Variants in EPHA4 observed in about 807,000 individuals in gnomAD.
The protein encoded by EPHA4 is EPH receptor A4, also known as ephrin type-A receptor 4.
A neutral mutation model predicts 108.3 loss-of-function variants in EPHA4; 19 were observed. The observed-to-expected ratio is 0.18, with a 90% CI of 0.12 to 0.26. The LOEUF is 0.26. Ranked by LOEUF, EPHA4 falls within the 10% of genes least tolerant of loss-of-function variation. The pLI is 1.00. For missense variants in EPHA4, 917 were observed against 1,254.0 expected (o/e 0.73, Z 4.06); for synonymous variants, 449 against 455.5 (o/e 0.99, Z 0.18).
At chr2:221,497,353 C>T (rs997466425) in intron 4 of EPHA4, among the ~76,000 whole-genome samples, 4 of 152,122 alleles carry the variant, frequency 2.6e-5, no homozygotes, top group African/African-American at 9.7e-5. Context: ...CAAGGCGATC[C>T]GATCAGCAAG....
intron 8 of EPHA4, among the ~76,000 whole-genome samples, chr2:221,451,772 A>T (rs7597370): frequency 0.68 from 102,724 of 152,022 alleles, 35,060 homozygotes; most frequent in Non-Finnish European, 0.74. Context: ...AATATACAAT[A>T]TAGCTAAATC....
chr2:221,506,181 C>T (rs143050569), intron 3 of EPHA4, among the ~76,000 whole-genome samples: 3 of 152,248 alleles, frequency 2.0e-5, no homozygotes, highest in African/African-American at 7.2e-5. Context: ...GCCTTTTGTG[C>T]ACTGGATACA....
At chr2:221,472,406 C>A (rs984809631) in intron 5 of EPHA4, among the ~76,000 whole-genome samples, 5 of 152,004 alleles carry the variant, frequency 3.3e-5, no homozygotes, top group Non-Finnish European at 7.4e-5. Context: ...TGTAAGCTAC[C>A]CCCTTTTCAG....
chr2:221,530,423 A>T (rs1350576204), intron 3 of EPHA4, among the ~76,000 whole-genome samples: 1 of 152,214 alleles, frequency 6.6e-6, no homozygotes, highest in African/African-American at 2.4e-5. Context: ...ATTCTCTAAC[A>T]TGAAACATTT....
intron 3 of EPHA4, 84 bp downstream of exon 3, chr2:221,563,647 T>C: frequency 6.7e-7 from 1 of 1,490,312 alleles, no homozygotes; most frequent in Non-Finnish European, 9.1e-7. Flanking sequence ...TACTAATTAC[T>C]GGCTTTACTC....
chr2:221,466,236 T>C (rs77496318), intron 5 of EPHA4, among the ~76,000 whole-genome samples: 4 of 152,192 alleles, frequency 2.6e-5, no homozygotes, highest in Non-Finnish European at 5.9e-5. Context: ...GAAAACACAT[T>C]GGGGTTCTCA....
intron 5 of EPHA4, 95 bp from the exon 6 acceptor site, chr2:221,458,085 G>C: frequency 6.8e-7 from 1 of 1,477,862 alleles, no homozygotes; most frequent in Non-Finnish European, 9.1e-7. Flanking sequence ...TTTAAGAAAA[G>C]TGTGAAAGAT....
Position 221,437,132 on chromosome 2 carries a change from TCAGA to T in EPHA4, c.2075-14_2075-11del. On this transcript the variant is annotated splice_polypyrimidine_tract_variant and intron_variant, in intron 11 of 17. Transcript: ENST00000281821. ...ATCATTACTGGTTTACCTAGAGTTT[TCAGA>T]AAGAAAAACACAAACCTTTGATGAG... 1 of 1,608,942 alleles carries T rather than the reference TCAGA, an allele frequency of 6.2e-7. No individual in the cohort carries two copies. Among genetic ancestry groups the T allele is most frequent in the Non-Finnish European group, 8.5e-7 (1 of 1,176,500 alleles).
chr2:221,479,115 A>C (rs1295539857), intron 5 of EPHA4, among the ~76,000 whole-genome samples: 4 of 152,238 alleles, frequency 2.6e-5, no homozygotes, highest in African/African-American at 9.6e-5. Context: ...CCATGCCCAG[A>C]TACTCACATA....
At chr2:221,432,003 C>T (rs1690090677) in intron 14 of EPHA4, among the ~76,000 whole-genome samples, 1 of 151,896 alleles carries the variant, frequency 6.6e-6, no homozygotes, top group African/African-American at 2.4e-5. Context: ...ACATAGAATC[C>T]AACACAGAGA....
chr2:221,440,109 G>T (rs1386558250), intron 11 of EPHA4, among the ~76,000 whole-genome samples: 1 of 152,216 alleles, frequency 6.6e-6, no homozygotes, highest in African/African-American at 2.4e-5. Flanking sequence ...CTGGGCTCTT[G>T]GATAGAGGAG....
intron 3 of EPHA4, among the ~76,000 whole-genome samples, chr2:221,560,992 C>A (rs560374284): frequency 6.6e-6 from 1 of 152,254 alleles, no homozygotes; most frequent in Admixed American, 6.5e-5. Context: ...CCTGTAATCC[C>A]AGCACTTTGG....
At chr2:221,521,318 G>T (rs1253076997) in intron 3 of EPHA4, among the ~76,000 whole-genome samples, 1 of 152,184 alleles carries the variant, frequency 6.6e-6, no homozygotes, top group Non-Finnish European at 1.5e-5. Flanking sequence ...TTTCCATTTA[G>T]ATGTTACAGG....
chr2:221,514,649 G>A lies in EPHA4; in HGVS notation c.824-13477C>T, dbSNP rs559927289. 6.6e-5 allele frequency among the ~76,000 whole-genome samples: 10 copies of A among 152,262 alleles called. No individual in the cohort carries two copies. In the East Asian group the frequency reaches 1.7e-3, roughly 27 times the overall value. ...CAGGTAGGTCAGTAAATCCTTCCAT[G>A]TATAAATTATAAATCACAAATGGCA... is the stretch of plus-strand genomic sequence containing the variant. On this transcript the variant is annotated intron_variant, in intron 3 of 17. Transcript: ENST00000281821.
chr2:221,521,086 A>G (rs1196247754), intron 3 of EPHA4, among the ~76,000 whole-genome samples: 1 of 152,244 alleles, frequency 6.6e-6, no homozygotes, highest in Non-Finnish European at 1.5e-5. Flanking sequence ...TGATTATTTC[A>G]TACACAACAA....
At chr2:221,516,511 C>A (rs1180699518) in intron 3 of EPHA4, among the ~76,000 whole-genome samples, 1 of 152,024 alleles carries the variant, frequency 6.6e-6, no homozygotes, top group Non-Finnish European at 1.5e-5. Flanking sequence ...TCCGCCGCGA[C>A]CCCTGGTTAA....
At chr2:221,502,537 T>G (rs1338207118) in intron 3 of EPHA4, 4 of 471,126 alleles carry the variant, frequency 8.5e-6, no homozygotes, top group South Asian at 6.2e-5. Context: ...CTGAAATGAG[T>G]ACTAGAAAGA....
intron 3 of EPHA4, chr2:221,532,553 A>G (rs191330743): frequency 1.3e-5 from 2 of 152,252 alleles, no homozygotes; most frequent in Admixed American, 1.3e-4. Flanking sequence ...CCTAGTCATC[A>G]CAAGGGCAGA....
intron 8 of EPHA4, 54 bp downstream of exon 8, chr2:221,455,493 A>G (rs1321436306): frequency 7.2e-7 from 1 of 1,386,084 alleles, no homozygotes; most frequent in Non-Finnish European, 1.0e-6. Context: ...GAAAAAAACC[A>G]TCATAAACAC....
Sources: gnomAD v4.1 joint callset for allele counts (sites outside exome capture counted in the v4.1 genomes callset) on GRCh38, gnomAD v4.1.1 for gene constraint, MANE v1.5 for transcripts, NCBI Gene and HGNC (gene_info 2026-07-23, HGNC 2026-07-21) for gene names.